The following DAAM1 variants were observed in gnomAD, a reference collection of about 807,000 sequenced individuals.
DAAM1 encodes disheveled-associated activator of morphogenesis 1.
Under a neutral mutation model 130.0 loss-of-function variants are expected in DAAM1, and 52 were observed. The observed-to-expected ratio is 0.40, with a 90% CI of 0.32 to 0.50. The LOEUF is 0.50. Among genes scored for constraint, DAAM1 ranks in the 20% least tolerant of loss-of-function variants. DAAM1 has a pLI of 0.61. For missense variants in DAAM1, 1,134 were observed against 1,303.8 expected (o/e 0.87, Z 2.01); for synonymous variants, 452 against 444.5 (o/e 1.02, Z -0.21).
intron 1 of DAAM1, among the ~76,000 whole-genome samples, chr14:59,249,228 C>G (rs1881528631): frequency 6.6e-6 from 1 of 152,210 alleles, no homozygotes; most frequent in Non-Finnish European, 1.5e-5. Context: ...ATTAACACAG[C>G]AGAACAAATT....
At chr14:59,300,984 T>G (rs1884145913) in intron 3 of DAAM1, among the ~76,000 whole-genome samples, 1 of 152,208 alleles carries the variant, frequency 6.6e-6, no homozygotes, top group African/African-American at 2.4e-5. Context: ...GTTATTGAGT[T>G]GTTTGATATG....
intron 1 of DAAM1, among the ~76,000 whole-genome samples, chr14:59,246,194 C>T (rs2139472176): frequency 6.6e-6 from 1 of 152,250 alleles, no homozygotes; most frequent in Non-Finnish European, 1.5e-5. Context: ...AAACTCCATA[C>T]CCACTAAACA....
intron 1 of DAAM1, among the ~76,000 whole-genome samples, chr14:59,236,365 G>A (rs1889298261): frequency 6.6e-6 from 1 of 152,050 alleles, no homozygotes; most frequent in Non-Finnish European, 1.5e-5. Flanking sequence ...CTCTTGCTAA[G>A]CCCTGTGACC....
At chr14:59,238,137 A>G (rs1889360646) in intron 1 of DAAM1, among the ~76,000 whole-genome samples, 1 of 152,072 alleles carries the variant, frequency 6.6e-6, no homozygotes, top group Non-Finnish European at 1.5e-5. Context: ...GTTCAAGGGG[A>G]TCCGAGGTAA....
chr14:59,350,086 C>G (rs1456395015), intron 17 of DAAM1, among the ~76,000 whole-genome samples: 1 of 152,092 alleles, frequency 6.6e-6, no homozygotes, highest in Non-Finnish European at 1.5e-5. Context: ...TGAGAAAGAA[C>G]AAGATACATC....
intron 15 of DAAM1, among the ~76,000 whole-genome samples, chr14:59,332,811 G>T (rs1337199712): frequency 1.3e-5 from 2 of 152,190 alleles, no homozygotes; most frequent in African/African-American, 4.8e-5. Context: ...TCTTAAGTAT[G>T]ACTGAAGAGG....
chr14:59,322,019 T>C (rs1348231865), intron 5 of DAAM1, among the ~76,000 whole-genome samples: 2 of 152,246 alleles, frequency 1.3e-5, no homozygotes, highest in Non-Finnish European at 2.9e-5. Context: ...AGTATTGCTT[T>C]ATTATTGTAT....
intron 23 of DAAM1, among the ~76,000 whole-genome samples, chr14:59,364,765 C>T (rs1468735135): frequency 6.6e-6 from 1 of 152,194 alleles, no homozygotes; most frequent in African/African-American, 2.4e-5. Context: ...TGTTCACATG[C>T]ATTAGCTAAT....
chr14:59,290,274 C>G (rs1488793742), intron 2 of DAAM1, among the ~76,000 whole-genome samples: 1 of 152,152 alleles, frequency 6.6e-6, no homozygotes, highest in Non-Finnish European at 1.5e-5. Context: ...AGGGTTCAGT[C>G]TAAGCAGTAC....
chr14:59,256,516 G>A (rs1022919940), intron 1 of DAAM1, among the ~76,000 whole-genome samples: 1 of 152,202 alleles, frequency 6.6e-6, no homozygotes, highest in African/African-American at 2.4e-5. Context: ...GTATAGCATA[G>A]CACTAGTCAT....
chr14:59,239,577 A>C (rs1373992590), intron 1 of DAAM1, among the ~76,000 whole-genome samples: 1 of 152,090 alleles, frequency 6.6e-6, no homozygotes, highest in Non-Finnish European at 1.5e-5. Flanking sequence ...CAATGGTAGA[A>C]TTTTTAGATT....
Position 59,369,134 on chromosome 14 carries a change from G to T in DAAM1, c.*275G>T. 1 of 304,926 alleles carries T rather than the reference G, an allele frequency of 3.3e-6. No homozygotes were observed. The highest frequency in any genetic ancestry group is 6.1e-6 in the Non-Finnish European group (1 of 164,196). The allele number at this position is 304,926 out of a possible 1,614,324, so 18.9% of individuals were successfully genotyped here. A position where few individuals can be genotyped will look rare whatever the true frequency, so the allele number is the denominator to read the frequency against. Reference sequence around the variant, plus strand: ...TCGTGTATGCATTCACATTGAGTGTGGCTCATTTTCTTTCCCCGAACGCCA... The same window carrying T: ...TCGTGTATGCATTCACATTGAGTGTTGCTCATTTTCTTTCCCCGAACGCCA... On this transcript the variant is annotated 3_prime_UTR_variant, in exon 25 of 25. Coordinates refer to ENST00000360909, the MANE Select transcript of DAAM1 (RefSeq NM_001270520.2).
rs561311172 is a variant in DAAM1 at position 59,264,047 on chromosome 14, A to G, written c.183+387A>G. The G allele has an allele frequency of 1.9e-4, 55 of 285,416 alleles. No homozygotes were observed. The East Asian group carries it at 4.4e-3, about 23-fold the overall frequency. 17.7% of individuals were successfully genotyped at this position (285,416 alleles called of 1,614,324 possible). A position where few individuals can be genotyped will look rare whatever the true frequency, so the allele number is the denominator to read the frequency against. ...TATTGGGATTCCCTAATGCTCCCCT[A>G]CCCCCACACCGAATGTACAGTATTA... On this transcript the variant is annotated intron_variant, in intron 2 of 24. Coordinates refer to ENST00000360909, the MANE Select transcript of DAAM1 (RefSeq NM_001270520.2).
chr14:59,199,571 C>T (rs934755040), intron 1 of DAAM1, among the ~76,000 whole-genome samples: 5 of 152,244 alleles, frequency 3.3e-5, no homozygotes, highest in African/African-American at 9.6e-5. Context: ...GCCTAATGCA[C>T]AGCCACTTAG....
intron 1 of DAAM1, among the ~76,000 whole-genome samples, chr14:59,198,474 CTG>C (rs1887984374): frequency 6.6e-6 from 1 of 152,128 alleles, no homozygotes. Flanking sequence ...CATGATCCGC[CTG>C]CCTCGGCTTC....
chr14:59,352,627 G>T lies in DAAM1; in HGVS notation c.2262G>T (p.Met754Ile). ...AGGCTGATAGGTTCCTTTTTGAGAT[G>T]AGCCGGTGAGTTTGAAAATGCTGGG... is the stretch of plus-strand genomic sequence containing the variant. Reference protein sequence around the residue: ...MAKADRFLFEMSRINHYQQRL... With the variant: ...MAKADRFLFEISRINHYQQRL... Residue 754 changes from methionine (M) to isoleucine (I), a missense_variant, in exon 18 of 25, where the codon ATG (methionine) becomes ATT (isoleucine). By Grantham distance (10) the Met-to-Ile change is conservative. Around this residue, in one of 3 missense-constraint regions of DAAM1, gnomAD observed 644 missense variants for 695.9 expected, o/e 0.93. Coordinates refer to ENST00000360909, the MANE Select transcript of DAAM1 (RefSeq NM_001270520.2). 1 of 1,611,690 alleles carries T rather than the reference G, an allele frequency of 6.2e-7. No homozygotes were observed. Among genetic ancestry groups the T allele is most frequent in the Non-Finnish European group, 8.5e-7 (1 of 1,178,946 alleles).
intron 3 of DAAM1, among the ~76,000 whole-genome samples, chr14:59,314,742 T>C (rs1317079738): frequency 6.6e-6 from 1 of 152,232 alleles, no homozygotes; most frequent in Non-Finnish European, 1.5e-5. Context: ...TTTACTACCT[T>C]CCATTCAATG....
At chr14:59,367,347 G>T in intron 23 of DAAM1, 82 bp from the exon 24 acceptor site, 2 of 1,510,626 alleles carry the variant, frequency 1.3e-6, no homozygotes, top group South Asian at 1.4e-5. Context: ...CTCAATCTGG[G>T]CTTTGGTCTT....
At chr14:59,255,127 C>G (rs967680006) in intron 1 of DAAM1, among the ~76,000 whole-genome samples, 1 of 152,208 alleles carries the variant, frequency 6.6e-6, no homozygotes. Context: ...CATAGATGCT[C>G]TCATTATTTT....
Sources: gnomAD v4.1 joint callset for allele counts (sites outside exome capture counted in the v4.1 genomes callset) on GRCh38, gnomAD v4.1.1 for gene constraint, gnomAD v4.1.1 regional missense constraint, MANE v1.5 for transcripts, NCBI Gene and HGNC (gene_info 2026-07-23, HGNC 2026-07-21) for gene names.